The following SDK1 variants were observed in gnomAD, a reference collection of about 807,000 sequenced individuals.
SDK1 encodes sidekick cell adhesion molecule 1.
SDK1 carries 157 observed loss-of-function variants against 245.5 expected under a neutral mutation model. That is an observed-to-expected ratio of 0.64 (90% CI 0.56 to 0.73). The LOEUF (loss-of-function observed/expected upper bound fraction) is 0.73, where lower values mean the gene tolerates loss of function less well. Among genes scored for constraint, SDK1 ranks in the 30% least tolerant of loss-of-function variants. The pLI is 0.00. For synonymous variants in SDK1, 1,647 were observed against 1,278.5 expected, an observed-to-expected ratio of 1.29 and a Z score of -6.15; for missense variants, 3,583 against 3,002.3, an observed-to-expected ratio of 1.19 and a Z score of -4.52.
intron 1 of SDK1, among the ~76,000 whole-genome samples, chr7:3,578,607 C>A (rs928319138): frequency 2.0e-5 from 3 of 151,838 alleles, no homozygotes; most frequent in African/African-American, 7.3e-5. Flanking sequence ...CCCACAGCAG[C>A]CGTTTATAGA....
rs770061135 is a variant in SDK1 at position 3,482,235 on chromosome 7, T to TA, written c.299-136839dup. ...AATTAAAAATATTAGAGGAGAGATGTAAAAAACTATTGAAAATGTATTTCT... is the reference window on the plus strand; with the variant it reads ...AATTAAAAATATTAGAGGAGAGATGTAAAAAAACTATTGAAAATGTATTTCT... On this transcript the variant is annotated intron_variant, in intron 1 of 44. Transcript: ENST00000404826. 4.6e-5 allele frequency among the ~76,000 whole-genome samples: 7 copies of TA among 152,158 alleles called. No homozygotes were observed. The East Asian group carries it at 5.8e-4, about 13-fold the overall frequency.
chr7:3,427,469 A>G (rs1158519494), intron 1 of SDK1, among the ~76,000 whole-genome samples: 1 of 149,378 alleles, frequency 6.7e-6, no homozygotes, highest in African/African-American at 2.5e-5. Context: ...CAGTGAGCTG[A>G]GATTGTGCCA....
In SDK1 at chr7:4,145,879, G is replaced by A. The variant is rs758787730; in HGVS notation, c.4386G>A (p.Glu1462=). ...LSAKTRQGWG[E]PLEATVITTE... ...CCAAGACGAGGCAGGGCTGGGGGGAGCCACTGGAGGCCACCGTCATCACCA... is the reference window on the plus strand; with the variant it reads ...CCAAGACGAGGCAGGGCTGGGGGGAACCACTGGAGGCCACCGTCATCACCA... The change falls in exon 29 of 45, where the codon GAG becomes GAA. Residue 1462 remains glutamate, a synonymous_variant. Coordinates refer to ENST00000404826, the MANE Select transcript of SDK1 (RefSeq NM_152744.4). 2.5e-6 allele frequency: 4 copies of A among 1,612,426 alleles called. No homozygotes were observed. The highest frequency in any genetic ancestry group is 8.5e-7 in the Non-Finnish European group (1 of 1,179,396).
chr7:4,178,587 G>T lies in SDK1; in HGVS notation c.5098+1G>T. On this transcript the variant is annotated splice_donor_variant, in intron 35 of 44. Transcript: ENST00000404826. LOFTEE classifies it high-confidence loss of function. Reference sequence around the variant, plus strand: ...GTGGAGGTCTTTGTCGGCGAGGCTGGTAAGCTCCGTGCACCCCCAACCCCA... The same window carrying T: ...GTGGAGGTCTTTGTCGGCGAGGCTGTTAAGCTCCGTGCACCCCCAACCCCA... 6.2e-7 allele frequency: 1 copy of T among 1,606,002 alleles called. No individual in the cohort carries two copies.
At chr7:4,218,704 G>A (rs891732984) in intron 38 of SDK1, among the ~76,000 whole-genome samples, 2 of 152,138 alleles carry the variant, frequency 1.3e-5, no homozygotes, top group Non-Finnish European at 2.9e-5. Context: ...CTGGGCAGGT[G>A]GACTCAGGAC....
At position 3,547,609 on chromosome 7, in the gene SDK1, T is replaced by C. The variant is rs975542678; in HGVS notation, c.299-71471T>C. 5.3e-5 allele frequency among the ~76,000 whole-genome samples: 8 copies of C among 152,374 alleles called. No homozygotes were observed. The East Asian group carries it at 1.5e-3, about 29-fold the overall frequency. ...AATCCTCATTCATACTTGAAAAAGATTGGAAATCCCTGACCTAGTCCATGC... is the reference window on the plus strand; with the variant it reads ...AATCCTCATTCATACTTGAAAAAGACTGGAAATCCCTGACCTAGTCCATGC... On this transcript the variant is annotated intron_variant, in intron 1 of 44. Transcript: ENST00000404826.
chr7:4,123,822 C>T (rs149080806), intron 25 of SDK1, among the ~76,000 whole-genome samples: 1,621 of 152,320 alleles, frequency 0.011, 14 homozygotes, highest in Non-Finnish European at 0.018. Context: ...ACCCAGCAGC[C>T]GATCTAATGT....
chr7:3,583,539 A>G (rs570089441), intron 1 of SDK1, among the ~76,000 whole-genome samples: 1 of 152,316 alleles, frequency 6.6e-6, no homozygotes, highest in South Asian at 2.1e-4. Context: ...AGTTCATAGC[A>G]CTGATTTCTT....
At chr7:3,662,693 T>C (rs1035096340) in intron 4 of SDK1, among the ~76,000 whole-genome samples, 3 of 152,214 alleles carry the variant, frequency 2.0e-5, no homozygotes, top group African/African-American at 7.2e-5. Flanking sequence ...GTCTCACAGA[T>C]GTACAGTGTT....
intron 1 of SDK1, among the ~76,000 whole-genome samples, chr7:3,457,706 C>T (rs543039733): frequency 2.0e-5 from 3 of 152,268 alleles, no homozygotes; most frequent in African/African-American, 2.4e-5. Flanking sequence ...CCTCTAAGAG[C>T]TACACATCAG....
chr7:3,608,879 T>G (rs901707285), intron 1 of SDK1, among the ~76,000 whole-genome samples: 11 of 152,186 alleles, frequency 7.2e-5, no homozygotes, highest in Admixed American at 7.2e-4. Context: ...AAAAGGCAAT[T>G]AAAATACTCC....
At chr7:4,053,633 A>C (rs1779022652) in intron 19 of SDK1, among the ~76,000 whole-genome samples, 1 of 151,672 alleles carries the variant, frequency 6.6e-6, no homozygotes, top group African/African-American at 2.4e-5. Context: ...GTTCTCCTTG[A>C]CCCTTGGCAG....
intron 5 of SDK1, among the ~76,000 whole-genome samples, chr7:3,884,083 G>GT (rs529710738): frequency 0.02 from 2,660 of 136,090 alleles, 30 homozygotes; most frequent in East Asian, 0.061. Flanking sequence ...TTGTTTTTTT[G>GT]TTTTTTTTTT....
At chr7:3,837,233 G>A (rs546160524) in intron 5 of SDK1, among the ~76,000 whole-genome samples, 30 of 152,252 alleles carry the variant, frequency 2.0e-4, no homozygotes, top group African/African-American at 7.0e-4. Flanking sequence ...TAGATCAGAA[G>A]ACCCGACTAG....
chr7:4,237,867 G>T lies in SDK1; in HGVS notation c.6130+83G>T. The T allele has an allele frequency of 2.0e-6, 3 of 1,485,596 alleles. No homozygotes were observed. In the South Asian group the frequency reaches 3.6e-5, roughly 18 times the overall value. 92.0% of individuals were successfully genotyped at this position (1,485,596 alleles called of 1,614,324 possible). A position where few individuals can be genotyped will look rare whatever the true frequency, so the allele number is the denominator to read the frequency against. ...GTTCGTTCTCTCGTGGATCTGCCGG[G>T]CCCGTGTCTGCTTTTCCATTTCATT... On this transcript the variant is annotated intron_variant, in intron 42 of 44. Coordinates refer to ENST00000404826, the MANE Select transcript of SDK1 (RefSeq NM_152744.4).
chr7:3,693,161 ATGT>A (rs967918197), intron 4 of SDK1, among the ~76,000 whole-genome samples: 1 of 152,096 alleles, frequency 6.6e-6, no homozygotes, highest in African/African-American at 2.4e-5. Flanking sequence ...TACAAATAAA[ATGT>A]TGTATACTCA....
At chr7:3,998,452 T>C (rs1784839744) in intron 14 of SDK1, among the ~76,000 whole-genome samples, 1 of 152,268 alleles carries the variant, frequency 6.6e-6, no homozygotes, top group East Asian at 1.9e-4. Context: ...AAATGTTTTA[T>C]TTCTAAGCAA....
intron 19 of SDK1, among the ~76,000 whole-genome samples, chr7:4,065,367 C>T (rs6462576): frequency 0.26 from 39,239 of 152,010 alleles, 7,675 homozygotes; most frequent in African/African-American, 0.56. Context: ...AAAGAGGAAA[C>T]AGAATATAAA....
intron 22 of SDK1, among the ~76,000 whole-genome samples, chr7:4,092,725 G>C (rs1245505270): frequency 1.3e-5 from 2 of 152,176 alleles, no homozygotes; most frequent in African/African-American, 2.4e-5. Context: ...AGAGAGGTCT[G>C]CTGGGGCGCC....
Sources: gnomAD v4.1 joint callset for allele counts (sites outside exome capture counted in the v4.1 genomes callset) on GRCh38, gnomAD v4.1.1 for gene constraint, MANE v1.5 for transcripts, NCBI Gene and HGNC (gene_info 2026-07-23, HGNC 2026-07-21) for gene names.